The following BTK variants were observed in gnomAD, a reference collection of about 807,000 sequenced individuals.
BTK encodes Bruton tyrosine kinase, also known as tyrosine-protein kinase BTK.
In BTK, 5 loss-of-function variants were observed where a neutral mutation model predicts 57.4. That is an observed-to-expected ratio of 0.09 (90% confidence interval 0.05 to 0.18). The LOEUF (loss-of-function observed/expected upper bound fraction) is 0.18. BTK is among the 10% of genes least tolerant of loss of function. The pLI, the probability that BTK is intolerant of heterozygous loss-of-function variation, is 1.00. For missense variants in BTK, 194 were observed against 501.2 expected, an observed-to-expected ratio of 0.39 and a Z score of 5.85; for synonymous variants, 154 against 174.3, an observed-to-expected ratio of 0.88 and a Z score of 0.92.
chrX:101,360,695 T>C lies in BTK; in HGVS notation c.649A>G (p.Lys217Glu), dbSNP rs2147432992. The change falls in exon 8 of 19, where the codon AAA becomes GAA. Residue 217 changes from lysine (K) to glutamate (E), a missense_variant. Around this residue, in one of 3 missense-constraint regions of BTK, gnomAD observed 115 missense variants for 258.3 expected, o/e 0.45. Coordinates refer to ENST00000308731, the MANE Select transcript of BTK (RefSeq NM_000061.3). ...TAATCATAAAGGGCCACAACCTTTT[T>C]CAGCTCACTTGTGGAGACTGGTGCT... Reference protein sequence around the residue: ...AAAPVSTSELKKVVALYDYMP... With the variant: ...AAAPVSTSELEKVVALYDYMP... 1 of 1,211,790 alleles carries C rather than the reference T, an allele frequency of 8.3e-7. No homozygotes were observed. Among genetic ancestry groups the C allele is most frequent in the Non-Finnish European group, 1.1e-6 (1 of 895,534 alleles).
rs201462157 is a variant in BTK, at chrX:101,357,997, TCTC to T, written c.1102+310_1102+312del. Among the ~76,000 whole-genome samples, 978 of 112,129 alleles carry T rather than the reference TCTC, an allele frequency of 8.7e-3. 8 individuals are homozygous for T. The highest frequency in any genetic ancestry group is 0.03 in the African/African-American group (931 of 30,864). ...ACCTCGACTCAGAATGTTCCCGTGT[TCTC>T]CTCTAGAACTGAGGAAATCGCTGAG... On this transcript the variant is annotated intron_variant, in intron 12 of 18. Coordinates refer to ENST00000308731, the MANE Select transcript of BTK (RefSeq NM_000061.3).
In BTK at chrX:101,358,703, C is replaced by A. The variant is rs202206176; in HGVS notation, c.895-7G>T. The A allele has an allele frequency of 8.3e-7, 1 of 1,202,006 alleles. No homozygotes were observed. Among genetic ancestry groups the A allele is most frequent in the East Asian group, 3.0e-5 (1 of 33,706 alleles). ...TGAAACCTCCTTCTTTCCCCTGAAA[C>A]AACGAAAAAGAAGCTGTCTGTAGGA... On this transcript the variant is annotated splice_region_variant and splice_polypyrimidine_tract_variant and intron_variant, in intron 10 of 18. Coordinates refer to ENST00000308731, the MANE Select transcript of BTK (RefSeq NM_000061.3).
At chrX:101,359,772 AGGT>A (rs1410471445) in intron 9 of BTK, among the ~76,000 whole-genome samples, 1 of 108,819 alleles carries the variant, frequency 9.2e-6, no homozygotes, top group Non-Finnish European at 1.9e-5. Flanking sequence ...TGGGGGGTAA[AGGT>A]AAGACAGATA....
chrX:101,366,777 G>C (rs1555979471), intron 5 of BTK, among the ~76,000 whole-genome samples: 1 of 112,045 alleles, frequency 8.9e-6, no homozygotes, highest in Non-Finnish European at 1.9e-5. Context: ...TAAGGGAAGA[G>C]AAGGCAAAGA....
At chrX:101,370,135 A>G (rs1555980072) in intron 4 of BTK, 56 bp from the exon 5 acceptor site, 1 of 936,829 alleles carries the variant, frequency 1.1e-6, no homozygotes, top group East Asian at 3.1e-5. Context: ...AAGGAGAAAG[A>G]CCTTGAAAGT....
upstream of BTK, among the ~76,000 whole-genome samples, chrX:101,387,745 T>C (rs1927662375): frequency 9.0e-6 from 1 of 111,190 alleles, no homozygotes; most frequent in Non-Finnish European, 1.9e-5. Flanking sequence ...ATGGACAGCA[T>C]GTGTTGTATG....
At chrX:101,389,402 A>T (rs1350187031), upstream of BTK, among the ~76,000 whole-genome samples, 1 of 111,980 alleles carries the variant, frequency 8.9e-6, no homozygotes, top group Non-Finnish European at 1.9e-5. Flanking sequence ...ATAAACCCCT[A>T]AAGGCCAGTG....
intron 18 of BTK, among the ~76,000 whole-genome samples, chrX:101,351,159 T>C (rs1350164760): frequency 4.5e-5 from 5 of 110,965 alleles, no homozygotes; most frequent in Non-Finnish European, 7.6e-5. Flanking sequence ...CCACGCCTGG[T>C]TAATTTTTGT....
chrX:101,360,210 T>G (rs1425799287), intron 8 of BTK, 60 bp from the exon 9 acceptor site: 2 of 846,534 alleles, frequency 2.4e-6, no homozygotes, highest in African/African-American at 4.0e-5. Flanking sequence ...GGAGACAGAT[T>G]CATATGCCCA....
At position 101,360,039 on chromosome X, in the gene BTK, G is replaced by T. The variant is rs201081295; in HGVS notation, c.839+49C>A. 3.5e-4 allele frequency: 216 copies of T among 619,490 alleles called. 2 individuals are homozygous for T. The highest frequency in any genetic ancestry group is 1.3e-3 in the African/African-American group (59 of 43,841). The allele number at this position is 619,490 out of a possible 1,213,427, so 51.1% of individuals were successfully genotyped here. A position where few individuals can be genotyped will look rare whatever the true frequency, so the allele number is the denominator to read the frequency against. On this transcript the variant is annotated intron_variant, in intron 9 of 18. Coordinates refer to ENST00000308731, the MANE Select transcript of BTK (RefSeq NM_000061.3). ...ATAAATAAATATATATATATATAGA[G>T]AGAGAGAGTTCCTCCTGGAAGATTG...
At chrX:101,363,887 C>CATTATTATTATTATT (rs72240121) in intron 5 of BTK, among the ~76,000 whole-genome samples, 1 of 81,830 alleles carries the variant, frequency 1.2e-5, no homozygotes, top group Non-Finnish European at 2.3e-5. Flanking sequence ...GAATCCCGCA[C>CATTATTATTATTATT]ATTATTATTA....
chrX:101,383,746 G>A (rs782344922), intron 1 of BTK, among the ~76,000 whole-genome samples: 53 of 111,667 alleles, frequency 4.7e-4, no homozygotes, highest in African/African-American at 1.6e-3. Context: ...AAGACATCTT[G>A]TGAGAACTTT....
chrX:101,375,032 G>A, intron 2 of BTK, 112 bp downstream of exon 2: 2 of 916,498 alleles, frequency 2.2e-6, no homozygotes, highest in African/African-American at 1.9e-5. Flanking sequence ...AAGAACTTAG[G>A]TCCATTCTAC....
At chrX:101,364,504 A>G (rs192927018) in intron 5 of BTK, among the ~76,000 whole-genome samples, 12 of 111,022 alleles carry the variant, frequency 1.1e-4, no homozygotes, top group African/African-American at 3.9e-4. Flanking sequence ...GCTTTGCAGG[A>G]AAGCCTAAAA....
At chrX:101,387,140 C>T (rs782466738), upstream of BTK, among the ~76,000 whole-genome samples, 27 of 111,115 alleles carry the variant, frequency 2.4e-4, no homozygotes, top group Non-Finnish European at 3.8e-4. Context: ...CAATTTCATC[C>T]GAAGTTTTAA....
In BTK at chrX:101,356,751, T is replaced by C. The variant is rs371914597; in HGVS notation, c.1349+33A>G. On this transcript the variant is annotated intron_variant, in intron 14 of 18. Coordinates refer to ENST00000308731, the MANE Select transcript of BTK (RefSeq NM_000061.3). ...GTGTGAATTCCTAGACTCCAGCAAATAGATTGAGAGTTGAGTTTGGGCTAT... is the reference window on the plus strand; with the variant it reads ...GTGTGAATTCCTAGACTCCAGCAAACAGATTGAGAGTTGAGTTTGGGCTAT... 5 of 1,206,016 alleles carry C rather than the reference T, an allele frequency of 4.1e-6. No individual in the cohort carries two copies. The African/African-American group carries it at 7.0e-5, about 17-fold the overall frequency.
chrX:101,370,546 T>C (rs1926992772), intron 4 of BTK, among the ~76,000 whole-genome samples: 1 of 111,819 alleles, frequency 8.9e-6, no homozygotes, highest in Non-Finnish European at 1.9e-5. Flanking sequence ...CATGGCTAAT[T>C]ACCTCCACCT....
intron 5 of BTK, among the ~76,000 whole-genome samples, chrX:101,367,899 C>T (rs1299451339): frequency 3.6e-5 from 4 of 111,573 alleles, no homozygotes; most frequent in African/African-American, 1.3e-4. Context: ...AACACAACTA[C>T]TGATCCCTTT....
intron 2 of BTK, 87 bp downstream of exon 2, chrX:101,375,057 C>T: frequency 8.8e-6 from 10 of 1,134,610 alleles, no homozygotes; most frequent in Non-Finnish European, 1.2e-5. Context: ...CTCCTCCTAC[C>T]AACGAAAATT....
Sources: gnomAD v4.1 joint callset for allele counts (sites outside exome capture counted in the v4.1 genomes callset) on GRCh38, gnomAD v4.1.1 for gene constraint, gnomAD v4.1.1 regional missense constraint, MANE v1.5 for transcripts, NCBI Gene and HGNC (gene_info 2026-07-23, HGNC 2026-07-21) for gene names.